Variants in RIMS2 observed in about 807,000 individuals in gnomAD.
The protein encoded by RIMS2 is regulating synaptic membrane exocytosis 2, also known as regulating synaptic membrane exocytosis protein 2.
A neutral mutation model predicts 174.4 loss-of-function variants in RIMS2; 59 were observed. The ratio of observed to expected loss-of-function variants is 0.34; its 90% CI spans 0.27 to 0.42. RIMS2 has a LOEUF of 0.42. RIMS2 is among the 10% of genes least tolerant of loss of function. The pLI is 1.00. For missense variants in RIMS2, 1,620 were observed against 1,666.3 expected, an observed-to-expected ratio of 0.97 and a Z score of 0.48; for synonymous variants, 606 against 572.5, an observed-to-expected ratio of 1.06 and a Z score of -0.84.
chr8:104,132,133 G>T (rs560359289), intron 19 of RIMS2, among the ~76,000 whole-genome samples: 5 of 151,792 alleles, frequency 3.3e-5, no homozygotes, highest in Non-Finnish European at 7.4e-5. Context: ...TTCTTATTTT[G>T]TATGTTAACA....
chr8:104,218,631 G>T (rs369331165), intron 19 of RIMS2, among the ~76,000 whole-genome samples: 128 of 152,048 alleles, frequency 8.4e-4, no homozygotes, highest in African/African-American at 3.0e-3. Flanking sequence ...CCTATCTCGG[G>T]GTGATGGGAG....
intron 19 of RIMS2, among the ~76,000 whole-genome samples, chr8:104,145,673 A>ATAAAT (rs1330469201): frequency 3.5e-5 from 5 of 142,526 alleles, no homozygotes; most frequent in African/African-American, 1.3e-4. Flanking sequence ...TAAAAATACA[A>ATAAAT]TAAATAAATA....
chr8:103,512,882 A>G (rs1378526295), intron 1 of RIMS2, among the ~76,000 whole-genome samples: 1 of 152,196 alleles, frequency 6.6e-6, no homozygotes, highest in Non-Finnish European at 1.5e-5. Context: ...AGTGAACTCA[A>G]ACTAGACAAT....
At chr8:103,650,963 C>G (rs1294401657) in intron 1 of RIMS2, among the ~76,000 whole-genome samples, 1 of 152,190 alleles carries the variant, frequency 6.6e-6, no homozygotes, top group African/African-American at 2.4e-5. Flanking sequence ...AGTCCCCTTC[C>G]TAGGGGTATT....
rs537340107 is a variant in RIMS2, at chr8:103,981,173, C to G, written c.2927+5667C>G. On this transcript the variant is annotated intron_variant, in intron 16 of 23. Coordinates refer to ENST00000504942, the Ensembl canonical transcript of RIMS2. ...CAGGTCTGACCCTGTGCAGAACCAG[C>G]GGTGGTAGCCACAGGGGTGCTTGCA... 3.2e-3 allele frequency among the ~76,000 whole-genome samples: 485 copies of G among 152,246 alleles called. 5 individuals are homozygous for G. The highest frequency in any genetic ancestry group is 3.5e-3 in the Non-Finnish European group (236 of 68,026).
chr8:103,649,708 G>A (rs2096413741), intron 1 of RIMS2, among the ~76,000 whole-genome samples: 1 of 150,140 alleles, frequency 6.7e-6, no homozygotes, highest in Non-Finnish European at 1.5e-5. Flanking sequence ...CAGTCTTCAA[G>A]CTCTGAGATT....
intron 17 of RIMS2, among the ~76,000 whole-genome samples, chr8:104,009,324 C>CACTCTGTCACCCAG (rs2095684829): frequency 1.3e-5 from 2 of 151,340 alleles, no homozygotes; most frequent in African/African-American, 2.4e-5. Context: ...GACAGGGTCT[C>CACTCTGTCACCCAG]ACTCTGTCAC....
chr8:103,645,490 T>G (rs1337210261), intron 1 of RIMS2, among the ~76,000 whole-genome samples: 1 of 152,106 alleles, frequency 6.6e-6, no homozygotes, highest in Non-Finnish European at 1.5e-5. Context: ...TAATTTACAG[T>G]GTTAGGTATA....
intron 19 of RIMS2, among the ~76,000 whole-genome samples, chr8:104,040,283 G>A (rs1014040081): frequency 6.6e-6 from 1 of 151,606 alleles, no homozygotes; most frequent in Non-Finnish European, 1.5e-5. Context: ...TTTAGAATTT[G>A]TAGTATCTGA....
At chr8:103,618,402 C>T (rs756329187) in intron 1 of RIMS2, among the ~76,000 whole-genome samples, 6 of 152,158 alleles carry the variant, frequency 3.9e-5, no homozygotes, top group Admixed American at 6.5e-5. Context: ...AGGAAGAACA[C>T]AGTACAGCAT....
intron 1 of RIMS2, among the ~76,000 whole-genome samples, chr8:103,580,720 G>A (rs1158173560): frequency 6.6e-6 from 1 of 151,794 alleles, no homozygotes; most frequent in Non-Finnish European, 1.5e-5. Flanking sequence ...CAAAAGAAAA[G>A]CTGACAGCCT....
chr8:103,652,206 G>T (rs1477828955), intron 1 of RIMS2: 2 of 1,346,946 alleles, frequency 1.5e-6, no homozygotes, highest in Non-Finnish European at 2.0e-6. Context: ...TCTTTTTAGG[G>T]TCAAAGAAGA....
intron 3 of RIMS2, among the ~76,000 whole-genome samples, chr8:103,869,363 T>C (rs1356868235): frequency 6.6e-6 from 1 of 151,848 alleles, no homozygotes; most frequent in Non-Finnish European, 1.5e-5. Context: ...GCCCAGCTAA[T>C]TTTTTTATTT....
intron 15 of RIMS2, among the ~76,000 whole-genome samples, chr8:103,966,989 G>T (rs1565579007): frequency 6.6e-6 from 1 of 151,768 alleles, no homozygotes; most frequent in Non-Finnish European, 1.5e-5. Flanking sequence ...TTGCTAAGGT[G>T]TGTTTTATGG....
At chr8:103,709,727 G>C (rs529094203) in intron 2 of RIMS2, among the ~76,000 whole-genome samples, 84 of 151,512 alleles carry the variant, frequency 5.5e-4, no homozygotes, top group African/African-American at 2.0e-3. Context: ...TATGTTCACC[G>C]ATCATTACTG....
At chr8:104,036,078 A>G (rs937196452) in intron 19 of RIMS2, among the ~76,000 whole-genome samples, 9 of 151,952 alleles carry the variant, frequency 5.9e-5, no homozygotes, top group African/African-American at 1.7e-4. Context: ...TTTTTCAGTA[A>G]CCATCCTTCT....
intron 1 of RIMS2, among the ~76,000 whole-genome samples, chr8:103,537,535 A>T (rs1249731716): frequency 1.3e-5 from 2 of 152,056 alleles, no homozygotes; most frequent in African/African-American, 4.8e-5. Context: ...TTGGGTTCTA[A>T]GCCTGGTTTT....
chr8:103,643,775 G>C (rs1472299781), intron 1 of RIMS2, among the ~76,000 whole-genome samples: 1 of 149,608 alleles, frequency 6.7e-6, no homozygotes, highest in African/African-American at 2.5e-5. Flanking sequence ...GCATCTGATA[G>C]TTCTGTCATT....
intron 16 of RIMS2, chr8:103,977,044 A>T (rs2093507756): frequency 6.6e-6 from 1 of 152,242 alleles, no homozygotes; most frequent in Non-Finnish European, 1.5e-5. Context: ...TTGACCAGTT[A>T]GAATGACACA....
Sources: allele counts gnomAD v4.1 joint callset (sites outside exome capture counted in the v4.1 genomes callset), GRCh38; gene constraint gnomAD v4.1.1; transcripts MANE v1.5; gene names NCBI Gene and HGNC (gene_info 2026-07-23, HGNC 2026-07-21).